XKRX: variants seen among roughly 807,000 people sequenced by gnomAD.
XKRX encodes XK-related protein 2.
In XKRX, 11 loss-of-function variants were observed where a neutral mutation model predicts 22.4. That is an observed-to-expected ratio of 0.49 (90% confidence interval 0.31 to 0.81). XKRX has a LOEUF of 0.81. Ranked by LOEUF, XKRX falls within the 40% of genes least tolerant of loss-of-function variation. XKRX has a pLI of 0.05. For missense variants in XKRX, 320 were observed against 336.5 expected (o/e 0.95, Z 0.38); for synonymous variants, 114 against 132.2 (o/e 0.86, Z 0.94).
intron 1 of XKRX, among the ~76,000 whole-genome samples, chrX:100,923,968 C>A (rs1179966952): frequency 9.7e-6 from 1 of 103,618 alleles, no homozygotes; most frequent in Non-Finnish European, 2.0e-5. Flanking sequence ...TCCTGAGTAG[C>A]TGGGATTACA....
At chrX:100,954,217 G>A in the XKRX span, among the ~76,000 whole-genome samples, 1 of 111,088 alleles carries the variant, frequency 9.0e-6, no homozygotes, top group Non-Finnish European at 1.9e-5. Context: ...TCAGGAGTTT[G>A]AGACCAGCCT....
At chrX:100,917,106 G>A (rs1411298091) in intron 2 of XKRX, among the ~76,000 whole-genome samples, 1 of 110,436 alleles carries the variant, frequency 9.1e-6, no homozygotes, top group African/African-American at 3.3e-5. Context: ...GCAACAGAGT[G>A]AGACTCTGTC....
chrX:100,905,381 T>C, the XKRX span, among the ~76,000 whole-genome samples: 1 of 111,671 alleles, frequency 9.0e-6, no homozygotes, highest in Non-Finnish European at 1.9e-5. Flanking sequence ...GAATGAAGCA[T>C]GTCTCTATCT....
At chrX:100,909,902 C>CAAAAAA (rs5903174), downstream of XKRX, among the ~76,000 whole-genome samples, 12 of 34,552 alleles carry the variant, frequency 3.5e-4, no homozygotes, top group Non-Finnish European at 3.8e-4. Flanking sequence ...GACTCCATCT[C>CAAAAAA]AAAAAAAAAA....
chrX:100,910,624 G>T (rs1479077180), downstream of XKRX: 5 of 338,892 alleles, frequency 1.5e-5, no homozygotes, highest in Non-Finnish European at 2.5e-5. Context: ...GGACTGTGCG[G>T]CCTCGGCTCG....
chrX:100,913,383 TACACAC>T (rs56001687), downstream of XKRX: 279 of 92,355 alleles, frequency 3.0e-3, no homozygotes, highest in African/African-American at 9.0e-3. Context: ...CACATACACA[TACACAC>T]ACACACACAC....
downstream of XKRX, among the ~76,000 whole-genome samples, chrX:100,910,413 C>T (rs2085402903): frequency 9.1e-6 from 1 of 109,736 alleles, no homozygotes; most frequent in African/African-American, 3.3e-5. Flanking sequence ...TGGAGAAACC[C>T]CGTCTCTACT....
chrX:100,900,327 C>T, the XKRX span, among the ~76,000 whole-genome samples: 1 of 110,685 alleles, frequency 9.0e-6, no homozygotes, highest in Non-Finnish European at 1.9e-5. Context: ...TCCCAAAGTT[C>T]TGGGATTACA....
chrX:100,953,677 G>A, the XKRX span, among the ~76,000 whole-genome samples: 1 of 110,875 alleles, frequency 9.0e-6, no homozygotes, highest in Admixed American at 9.6e-5. Flanking sequence ...GGGAGGCAGA[G>A]GTGGGCGGAT....
At chrX:100,888,528 T>C in the XKRX span, 2 of 641,774 alleles carry the variant, frequency 3.1e-6, no homozygotes, top group East Asian at 3.3e-5. Flanking sequence ...GTTTCAAACC[T>C]CAACTCTCCA....
chrX:100,891,763 A>AAAAGAAAG, the XKRX span, among the ~76,000 whole-genome samples: 991 of 59,189 alleles, frequency 0.017, 18 homozygotes, highest in Middle Eastern at 0.024. Context: ...AAGAAAGAAG[A>AAAAGAAAG]AAAGAAAGAA....
At chrX:100,924,364 T>G (rs73631326) in intron 1 of XKRX, among the ~76,000 whole-genome samples, 1,346 of 111,834 alleles carry the variant, frequency 0.012, 19 homozygotes, top group African/African-American at 0.042. Flanking sequence ...GTCCTGTTTG[T>G]GGACAAAAGC....
the XKRX span, among the ~76,000 whole-genome samples, chrX:100,945,977 G>C: frequency 1.8e-5 from 2 of 110,435 alleles, no homozygotes; most frequent in African/African-American, 6.6e-5. Context: ...CTGAGGTCAG[G>C]AGTTCGAGAC....
At chrX:100,887,926 C>T in the XKRX span, 6 of 1,126,261 alleles carry the variant, frequency 5.3e-6, no homozygotes, top group African/African-American at 7.1e-5. Context: ...CCACCACGAC[C>T]ACTGACGTTT....
chrX:100,909,590 T>C (rs908496857), downstream of XKRX, among the ~76,000 whole-genome samples: 4 of 111,745 alleles, frequency 3.6e-5, no homozygotes, highest in African/African-American at 1.3e-4. Context: ...TCATAAGGGT[T>C]GTTGTGAGGA....
chrX:100,931,147 T>A (rs375137236), upstream of XKRX, among the ~76,000 whole-genome samples: 1,466 of 79,947 alleles, frequency 0.018, 25 homozygotes, highest in African/African-American at 0.058. Context: ...AAATAAAAAT[T>A]AAAAATAAAA....
At chrX:100,939,045 GTA>G in the XKRX span, among the ~76,000 whole-genome samples, 3 of 111,400 alleles carry the variant, frequency 2.7e-5, no homozygotes, top group African/African-American at 6.5e-5. Context: ...ACAGTCTCCA[GTA>G]TATATTAAAG....
the XKRX span, among the ~76,000 whole-genome samples, chrX:100,896,160 G>T: frequency 9.0e-6 from 1 of 111,603 alleles, no homozygotes; most frequent in South Asian, 3.8e-4. Context: ...CTCACACATT[G>T]CTGCTGGGAA....
chrX:100,937,084 C>T, the XKRX span, among the ~76,000 whole-genome samples: 5 of 108,655 alleles, frequency 4.6e-5, no homozygotes, highest in African/African-American at 1.7e-4. Context: ...CTCTGCCTCC[C>T]AGGGTCAAGC....
Sources: allele counts gnomAD v4.1 joint callset (sites outside exome capture counted in the v4.1 genomes callset), GRCh38; gene constraint gnomAD v4.1.1; transcripts MANE v1.5; gene names NCBI Gene and HGNC (gene_info 2026-07-23, HGNC 2026-07-21).